The following TMEM59L variants were observed in gnomAD, a reference collection of about 807,000 sequenced individuals.
TMEM59L encodes the protein transmembrane protein 59 like.
In TMEM59L, 31 loss-of-function variants were observed where a neutral mutation model predicts 39.6. The ratio of observed to expected loss-of-function variants is 0.78; its 90% CI spans 0.59 to 1.06. TMEM59L has a LOEUF of 1.06. TMEM59L is among the 50% of genes least tolerant of loss of function. The pLI, the probability that TMEM59L is intolerant of heterozygous loss-of-function variation, is 0.00. For missense variants in TMEM59L, 441 were observed against 451.3 expected (o/e 0.98, Z 0.21); for synonymous variants, 219 against 202.9 (o/e 1.08, Z -0.68).
At position 18,616,113 on chromosome 19, in the gene TMEM59L, G is replaced by A; in HGVS notation, c.547G>A (p.Val183Met). Reference sequence around the variant, plus strand: ...CTACTTGCAGACTGACAATGGGAAAGTGGTGGTGTTTCAGGTGAGACCTCT... The same window carrying A: ...CTACTTGCAGACTGACAATGGGAAAATGGTGGTGTTTCAGGTGAGACCTCT... The part of the protein sequence containing the change: ...TYYLQTDNGK[V>M]VVFQTQPIVE... The change falls in exon 4 of 8, where the codon GTG (valine) becomes ATG (methionine). Residue 183 changes from valine to methionine, a missense_variant. Transcript: ENST00000262817. 6.2e-7 allele frequency: 1 copy of A among 1,614,074 alleles called. No homozygotes were observed. The highest frequency in any genetic ancestry group is 8.5e-7 in the Non-Finnish European group (1 of 1,179,968).
At chr19:18,618,651 G>C (rs1976458998) in intron 7 of TMEM59L, among the ~76,000 whole-genome samples, 159 bp downstream of exon 7, 4 of 100,088 alleles carry the variant, frequency 4.0e-5, no homozygotes. Flanking sequence ...ATATACGTGT[G>C]TGTGTGTGTG....
At chr19:18,614,708 C>T (rs562923484) in intron 3 of TMEM59L, among the ~76,000 whole-genome samples, 18 of 152,374 alleles carry the variant, frequency 1.2e-4, no homozygotes, top group Non-Finnish European at 2.4e-4. Context: ...CTCAGAACTG[C>T]GGCTCAGGGT....
intron 7 of TMEM59L, among the ~76,000 whole-genome samples, chr19:18,620,059 C>T (rs894452246): frequency 6.6e-6 from 1 of 151,010 alleles, no homozygotes; most frequent in Non-Finnish European, 1.5e-5. Flanking sequence ...GTAATTCCAG[C>T]ACTTTGGGAG....
intron 3 of TMEM59L, among the ~76,000 whole-genome samples, chr19:18,615,133 C>T (rs1976414133): frequency 1.3e-5 from 2 of 152,124 alleles, no homozygotes; most frequent in African/African-American, 4.8e-5. Context: ...CAGGCACCCC[C>T]CACTACAATC....
chr19:18,620,477 C>G lies in TMEM59L; in HGVS notation c.970C>G (p.His324Asp). The change falls in exon 8 of 8, where the codon CAC becomes GAC. Residue 324 changes from histidine to aspartate, a missense_variant. His to Asp is a moderately conservative substitution (Grantham distance 81). Coordinates refer to ENST00000262817, the MANE Select transcript of TMEM59L (RefSeq NM_012109.3). ...TTGGCCCCTGTACCCGCCGCCGTCCCACGCCTGTGAGGACAGCCTACCACC... is the reference window on the plus strand; with the variant it reads ...TTGGCCCCTGTACCCGCCGCCGTCCGACGCCTGTGAGGACAGCCTACCACC... Reference protein sequence around the residue: ...PDWPLYPPPSHACEDSLPPYK... With the variant: ...PDWPLYPPPSDACEDSLPPYK... The G allele has an allele frequency of 6.2e-7, 1 of 1,613,788 alleles. No homozygotes were observed. The highest frequency in any genetic ancestry group is 1.7e-5 in the Admixed American group (1 of 60,010).
intron 3 of TMEM59L, 112 bp from the exon 4 acceptor site, chr19:18,615,863 C>T: frequency 7.3e-7 from 1 of 1,378,290 alleles, no homozygotes; most frequent in Non-Finnish European, 9.9e-7. Flanking sequence ...CTGCCTCAGC[C>T]TTCCAAAGTG....
At chr19:18,617,174 A>G in intron 5 of TMEM59L, 72 bp downstream of exon 5, 1 of 1,146,048 alleles carries the variant, frequency 8.7e-7, no homozygotes, top group Non-Finnish European at 1.3e-6. Flanking sequence ...CCTGGCAAAC[A>G]GACCTTCTAG....
At chr19:18,620,297 C>A in intron 7 of TMEM59L, 111 bp from the exon 8 acceptor site, 2 of 1,162,164 alleles carry the variant, frequency 1.7e-6, no homozygotes, top group East Asian at 2.6e-5. Context: ...GAGAGACTCT[C>A]TCAAAAAAAG....
At chr19:18,614,905 C>T (rs1347697646) in intron 3 of TMEM59L, among the ~76,000 whole-genome samples, 1 of 152,230 alleles carries the variant, frequency 6.6e-6, no homozygotes, top group Non-Finnish European at 1.5e-5. Flanking sequence ...CCATTTTCCT[C>T]CACCCCTTCC....
In TMEM59L at chr19:18,613,103, C is replaced by G. The variant is rs11538360; in HGVS notation, c.145C>G (p.Arg49Gly). 4 of 1,316,528 alleles carry G rather than the reference C, an allele frequency of 3.0e-6. No homozygotes were observed. The highest frequency in any genetic ancestry group is 8.1e-5 in the Admixed American group (2 of 24,752). 81.6% of individuals were successfully genotyped at this position (1,316,528 alleles called of 1,614,324 possible). A position where few individuals can be genotyped will look rare whatever the true frequency, so the allele number is the denominator to read the frequency against. Residue 49 changes from arginine to glycine, a missense_variant, in exon 1 of 8, where the codon CGC (arginine) becomes GGC (glycine). Arg to Gly is a moderately radical substitution (Grantham distance 125, BLOSUM62 -2). Coordinates refer to ENST00000262817, the MANE Select transcript of TMEM59L (RefSeq NM_012109.3). ...TQNCQLRCRD[R>G]DLGPQPSQAG... ...GAACTGCCAGCTGCGGTGCCGCGACCGCGACCTCGGCCCGCAGCCCTCGCA... is the reference window on the plus strand; with the variant it reads ...GAACTGCCAGCTGCGGTGCCGCGACGGCGACCTCGGCCCGCAGCCCTCGCA...
chr19:18,616,215 T>C, intron 4 of TMEM59L, 88 bp downstream of exon 4: 1 of 1,524,804 alleles, frequency 6.6e-7, no homozygotes, highest in Non-Finnish European at 9.0e-7. Context: ...GCTCATGAGA[T>C]GCAAAGTCCA....
Position 18,616,003 on chromosome 19 carries a change from C to A in TMEM59L, c.437C>A (p.Ala146Asp), listed in dbSNP as rs770017568. ...AAGGTCCTGGAGGCTCCAAGTGGGG[C>A]CCTCTCCCTCTTGGACTTGTTTTCC... ...KRKVLEAPSG[A>D]LSLLDLFSTL... The change falls in exon 4 of 8, where the codon GCC becomes GAC. Residue 146 changes from alanine to aspartate, a missense_variant. Transcript: ENST00000262817. 2.8e-5 allele frequency: 45 copies of A among 1,613,930 alleles called. No individual in the cohort carries two copies. Among genetic ancestry groups the A allele is most frequent in the Admixed American group, 1.0e-4 (6 of 59,990 alleles).
intron 7 of TMEM59L, among the ~76,000 whole-genome samples, chr19:18,619,071 A>G (rs1308621572): frequency 6.6e-6 from 1 of 152,000 alleles, no homozygotes; most frequent in Non-Finnish European, 1.5e-5. Context: ...AGCTCACTGC[A>G]GCCTCGGCCT....
intron 5 of TMEM59L, chr19:18,617,419 G>GC (rs1173989420): frequency 2.0e-6 from 1 of 496,086 alleles, no homozygotes. Flanking sequence ...GGGTTCCGTG[G>GC]CCACCTCCCA....
Position 18,613,074 on chromosome 19 carries a change from C to T in TMEM59L, c.116C>T (p.Thr39Met). 1.5e-6 allele frequency: 2 copies of T among 1,367,578 alleles called. No individual in the cohort carries two copies. The highest frequency in any genetic ancestry group is 1.9e-6 in the Non-Finnish European group (2 of 1,063,098). 84.7% of individuals were successfully genotyped at this position (1,367,578 alleles called of 1,614,324 possible). The change falls in exon 1 of 8, where the codon ACG becomes ATG. Residue 39 changes from threonine to methionine, a missense_variant. Coordinates refer to ENST00000262817, the MANE Select transcript of TMEM59L (RefSeq NM_012109.3). ...RDPFAPQLGD[T>M]QNCQLRCRDR... The stretch of plus-strand genomic sequence containing the variant: ...CCCTTCGCCCCCCAGCTCGGGGACA[C>T]GCAGAACTGCCAGCTGCGGTGCCGC...
chr19:18,620,692 C>T lies in TMEM59L; in HGVS notation c.*156C>T. On this transcript the variant is annotated 3_prime_UTR_variant, in exon 8 of 8. Transcript: ENST00000262817. ...AGTCCCACCCCTTGCCCCACGGAGTCCTGGGGACGCAGTGCCCCAGCTGGG... is the reference window on the plus strand; with the variant it reads ...AGTCCCACCCCTTGCCCCACGGAGTTCTGGGGACGCAGTGCCCCAGCTGGG... The T allele has an allele frequency of 8.6e-7, 1 of 1,167,246 alleles. No homozygotes were observed. The allele number at this position is 1,167,246 out of a possible 1,614,324, so 72.3% of individuals were successfully genotyped here. A position where few individuals can be genotyped will look rare whatever the true frequency, so the allele number is the denominator to read the frequency against.
rs899829456 is a variant in TMEM59L at position 18,619,211 on chromosome 19, C to A, written c.900+719C>A. ...CTATGTTGCCCAGGCTGGTCTTGAA[C>A]TCCTGGGCTCAAGTGATCCACCTGC... On this transcript the variant is annotated intron_variant, in intron 7 of 7. Coordinates refer to ENST00000262817, the MANE Select transcript of TMEM59L (RefSeq NM_012109.3). Among the ~76,000 whole-genome samples, 3 of 152,194 alleles carry A rather than the reference C, an allele frequency of 2.0e-5. No homozygotes were observed. The East Asian group carries it at 5.8e-4, about 29-fold the overall frequency.
intron 5 of TMEM59L, chr19:18,617,587 G>A (rs1228819617): frequency 2.2e-6 from 1 of 454,012 alleles, no homozygotes; most frequent in African/African-American, 2.1e-5. Context: ...ATCTCCTAGG[G>A]TCATCTCCTA....
rs1349370401 is a variant in TMEM59L, at chr19:18,620,535, A to G, written c.1028A>G (p.Ter343TrpextTer20). 1.2e-6 allele frequency: 2 copies of G among 1,613,400 alleles called. No individual in the cohort carries two copies. Among genetic ancestry groups the G allele is most frequent in the South Asian group, 2.2e-5 (2 of 91,064 alleles). The change falls in exon 8 of 8, where the codon TAG (stop) becomes TGG (tryptophan). Residue 343 changes from the stop codon to tryptophan, a stop_lost. Coordinates refer to ENST00000262817, the MANE Select transcript of TMEM59L (RefSeq NM_012109.3). ...CTGAAGCTGGACCTGACCAAGCTGT[A>G]GGCCTCCACTGGCCCCATCACTGCC... ...YKLKLDLTKL[*>W]
Sources: gnomAD v4.1 joint callset for allele counts (sites outside exome capture counted in the v4.1 genomes callset) on GRCh38, gnomAD v4.1.1 for gene constraint, MANE v1.5 for transcripts, NCBI Gene and HGNC (gene_info 2026-07-23, HGNC 2026-07-21) for gene names.